Variants in SBNO1 observed in about 807,000 individuals in gnomAD.
SBNO1 encodes protein strawberry notch homolog 1.
A neutral mutation model predicts 173.6 loss-of-function variants in SBNO1; 23 were observed. The ratio of observed to expected loss-of-function variants is 0.13; its 90% CI spans 0.10 to 0.19. The LOEUF is 0.19. Ranked by LOEUF, SBNO1 falls within the 10% of genes least tolerant of loss-of-function variation. The pLI is 1.00. For synonymous variants in SBNO1, 632 were observed against 571.5 expected, an observed-to-expected ratio of 1.11 and a Z score of -1.51; for missense variants, 1,238 against 1,671.2, an observed-to-expected ratio of 0.74 and a Z score of 4.52.
At chr12:123,330,207 T>C (rs1208339193) in intron 9 of SBNO1, among the ~76,000 whole-genome samples, 1 of 152,202 alleles carries the variant, frequency 6.6e-6, no homozygotes, top group Non-Finnish European at 1.5e-5. Context: ...CACTGTTCAA[T>C]AGCCACATGT....
At position 123,309,763 on chromosome 12, in the gene SBNO1, G is replaced by C. The variant is rs774410426; in HGVS notation, c.3389C>G (p.Thr1130Ser). 1 of 1,613,228 alleles carries C rather than the reference G, an allele frequency of 6.2e-7. No homozygotes were observed. Among genetic ancestry groups the C allele is most frequent in the Non-Finnish European group, 8.5e-7 (1 of 1,179,764 alleles). Residue 1130 changes from threonine to serine, a missense_variant, in exon 26 of 32, where the codon ACT becomes AGT. This residue lies in a region of SBNO1 where 351 missense variants were observed against 420.3 expected (regional missense o/e 0.84). Transcript: ENST00000602398. Reference sequence around the variant, plus strand: ...TTTTTTGGCATTTTGAACAACTGCAGTAAGTGTGTCCGCAAAATACTGAAA... The same window carrying C: ...TTTTTTGGCATTTTGAACAACTGCACTAAGTGTGTCCGCAAAATACTGAAA... ...ALFQYFADTLTAVVQNAKKNG... is the reference protein window; with the variant it reads ...ALFQYFADTLSAVVQNAKKNG...
In SBNO1 at chr12:123,345,470, G is replaced by T. The variant is rs1176099472; in HGVS notation, c.338C>A (p.Thr113Asn). Residue 113 changes from threonine (T) to asparagine (N), a missense_variant, in exon 4 of 32, where the codon ACC becomes AAC. By Grantham distance (65) the Thr-to-Asn change is moderately conservative. Around this residue, in one of 14 missense-constraint regions of SBNO1, gnomAD observed 287 missense variants for 274.1 expected, o/e 1.05. Coordinates refer to ENST00000602398, the MANE Select transcript of SBNO1 (RefSeq NM_001167856.3). The part of the protein sequence containing the change: ...IVMTKTPPVT[T>N]NRQTITLTKF... ...AGTTAAAGTGATGGTTTGCCTGTTG[G>T]TTGTTACAGGTGGTGTTTTAGTCAT... The T allele has an allele frequency of 5.6e-6, 9 of 1,613,988 alleles. No individual in the cohort carries two copies. The East Asian group carries it at 8.9e-5, about 16-fold the overall frequency.
intron 30 of SBNO1, among the ~76,000 whole-genome samples, chr12:123,301,366 T>A (rs1268922402): frequency 6.6e-6 from 1 of 152,112 alleles, no homozygotes; most frequent in Non-Finnish European, 1.5e-5. Flanking sequence ...ACTAATTTAC[T>A]CTCATAATGA....
chr12:123,298,265 CTTTTCTT>C (rs751861212), intron 30 of SBNO1, 94 bp from the exon 31 acceptor site: 1 of 1,231,578 alleles, frequency 8.1e-7, no homozygotes, highest in Non-Finnish European at 1.1e-6. Flanking sequence ...AATTTCTTTT[CTTTTCTT>C]TTTTTTTTGT....
chr12:123,345,707 T>C (rs1464299594), intron 3 of SBNO1, 137 bp from the exon 4 acceptor site: 2 of 744,426 alleles, frequency 2.7e-6, no homozygotes, highest in Non-Finnish European at 4.3e-6. Flanking sequence ...TGAAGCAGTC[T>C]CATTCTGTCA....
rs1262473597 is a variant in SBNO1, at chr12:123,364,807, T to C, written c.-107A>G. 7 of 915,684 alleles carry C rather than the reference T, an allele frequency of 7.6e-6. No homozygotes were observed. The highest frequency in any genetic ancestry group is 7.8e-6 in the Non-Finnish European group (6 of 768,148). The allele number at this position is 915,684 out of a possible 1,614,324, so 56.7% of individuals were successfully genotyped here. ...GGCGGTGGCGGCGGCAGCAGCGGCGTCCTGCTCTGCCTACCTCCCCGCCGC... is the reference window on the plus strand; with the variant it reads ...GGCGGTGGCGGCGGCAGCAGCGGCGCCCTGCTCTGCCTACCTCCCCGCCGC... On this transcript the variant is annotated 5_prime_UTR_variant, in exon 1 of 32. Transcript: ENST00000602398.
At chr12:123,320,261 C>A (rs773335442) in intron 19 of SBNO1, among the ~76,000 whole-genome samples, 171 bp downstream of exon 19, 2 of 152,220 alleles carry the variant, frequency 1.3e-5, no homozygotes, top group Non-Finnish European at 2.9e-5. Flanking sequence ...TTGGGACAGA[C>A]ACTCAGATAC....
At chr12:123,328,672 G>A in intron 10 of SBNO1, 62 bp downstream of exon 10, 1 of 1,271,532 alleles carries the variant, frequency 7.9e-7, no homozygotes, top group East Asian at 2.5e-5. Flanking sequence ...TTTCCCAAAG[G>A]TCTACCCTTT....
In SBNO1 at chr12:123,309,295, A is replaced by C. The variant is rs1480433971; in HGVS notation, c.3630+15T>G. Reference sequence around the variant, plus strand: ...GTATTATATATCTGAATAGAATTTAAAGGAAAAGTCGTACTTGCAATGACA... The same window carrying C: ...GTATTATATATCTGAATAGAATTTACAGGAAAAGTCGTACTTGCAATGACA... On this transcript the variant is annotated intron_variant, in intron 28 of 31. Transcript: ENST00000602398. 1 of 1,597,560 alleles carries C rather than the reference A, an allele frequency of 6.3e-7. No homozygotes were observed. The highest frequency in any genetic ancestry group is 1.1e-5 in the South Asian group (1 of 90,640).
At chr12:123,329,553 T>C (rs1246340668) in intron 9 of SBNO1, among the ~76,000 whole-genome samples, 1 of 152,064 alleles carries the variant, frequency 6.6e-6, no homozygotes, top group Non-Finnish European at 1.5e-5. Context: ...ATAAGAATTA[T>C]GAGTAATTGT....
At position 123,345,481 on chromosome 12, in the gene SBNO1, T is replaced by C; in HGVS notation, c.327A>G (p.Pro109=). The stretch of plus-strand genomic sequence containing the variant: ...TGGTTTGCCTGTTGGTTGTTACAGG[T>C]GGTGTTTTAGTCATTACAATTGTAG... ...LGSTIVMTKT[P]PVTTNRQTIT... is the part of the protein sequence containing the mutation. Residue 109 remains proline (P), a synonymous_variant, in exon 4 of 32, where the codon CCA becomes CCG. Transcript: ENST00000602398. 8 of 1,614,030 alleles carry C rather than the reference T, an allele frequency of 5.0e-6. No homozygotes were observed. The highest frequency in any genetic ancestry group is 6.8e-6 in the Non-Finnish European group (8 of 1,179,932).
At chr12:123,309,239 AAG>A (rs1176794859) in intron 28 of SBNO1, 69 bp downstream of exon 28, 10 of 1,101,844 alleles carry the variant, frequency 9.1e-6, no homozygotes, top group Non-Finnish European at 9.7e-6. Flanking sequence ...GTACAAAGTG[AAG>A]AGACAATTAC....
At chr12:123,345,647 G>A (rs1873034320) in intron 3 of SBNO1, 77 bp from the exon 4 acceptor site, 3 of 1,244,488 alleles carry the variant, frequency 2.4e-6, no homozygotes, top group African/African-American at 1.5e-5. Flanking sequence ...AACCTGGAAG[G>A]ACAACTAAAA....
chr12:123,309,373 C>T lies in SBNO1; in HGVS notation c.3567G>A (p.Glu1189=). The T allele has an allele frequency of 1.2e-6, 2 of 1,614,088 alleles. No individual in the cohort carries two copies. Residue 1189 remains glutamate (E), a synonymous_variant, in exon 28 of 32, where the codon GAG becomes GAA. Transcript: ENST00000602398. The part of the protein sequence containing the change: ...TISVERGMSW[E]EATKIWAELT... ...GCTCAGCCCAAATCTTGGTAGCTTC[C>T]TCCCATGACATTCCCCTCTCTACAC...
chr12:123,364,705 C>T lies in SBNO1; in HGVS notation c.-5G>A, dbSNP rs1230345543. Reference sequence around the variant, plus strand: ...AGGGCCAAGGGAAGGACTTACTTTCCCCGCGGGACCCGGCGCCAGCACAGC... The same window carrying T: ...AGGGCCAAGGGAAGGACTTACTTTCTCCGCGGGACCCGGCGCCAGCACAGC... On this transcript the variant is annotated 5_prime_UTR_variant, in exon 1 of 32. Coordinates refer to ENST00000602398, the MANE Select transcript of SBNO1 (RefSeq NM_001167856.3). The T allele has an allele frequency of 1.0e-6, 1 of 983,686 alleles. No individual in the cohort carries two copies. The highest frequency in any genetic ancestry group is 1.2e-6 in the Non-Finnish European group (1 of 828,568). The allele number at this position is 983,686 out of a possible 1,614,324, so 60.9% of individuals were successfully genotyped here. A position where few individuals can be genotyped will look rare whatever the true frequency, so the allele number is the denominator to read the frequency against.
Position 123,345,246 on chromosome 12 carries a change from A to G in SBNO1, c.550+12T>C, listed in dbSNP as rs974754232. 14 of 1,607,332 alleles carry G rather than the reference A, an allele frequency of 8.7e-6. No homozygotes were observed. Among genetic ancestry groups the G allele is most frequent in the Non-Finnish European group, 1.2e-5 (14 of 1,174,704 alleles). ...AGAGAGAGAAAGTTGATACTATTGA[A>G]AACAGACTTACTAGCTGCTGTTGCT... On this transcript the variant is annotated intron_variant, in intron 4 of 31. Coordinates refer to ENST00000602398, the MANE Select transcript of SBNO1 (RefSeq NM_001167856.3).
chr12:123,299,363 G>C (rs1174743379), intron 30 of SBNO1, among the ~76,000 whole-genome samples: 1 of 149,690 alleles, frequency 6.7e-6, no homozygotes, highest in Non-Finnish European at 1.5e-5. Flanking sequence ...GTGAGACTCT[G>C]TCTCAAAAAA....
At chr12:123,357,528 G>A (rs1475646211) in intron 1 of SBNO1, among the ~76,000 whole-genome samples, 2 of 151,752 alleles carry the variant, frequency 1.3e-5, no homozygotes, top group Admixed American at 6.6e-5. Context: ...GGATCACAAG[G>A]TCAAGAGATT....
intron 20 of SBNO1, among the ~76,000 whole-genome samples, chr12:123,318,241 ACCAG>A (rs1869525018): frequency 6.6e-6 from 1 of 152,200 alleles, no homozygotes; most frequent in Non-Finnish European, 1.5e-5. Context: ...GGAGTTCAAG[ACCAG>A]CCTGGCAAAC....
Sources: allele counts gnomAD v4.1 joint callset (sites outside exome capture counted in the v4.1 genomes callset), GRCh38; gene constraint gnomAD v4.1.1; regional missense constraint gnomAD v4.1.1; transcripts MANE v1.5; gene names NCBI Gene and HGNC (gene_info 2026-07-23, HGNC 2026-07-21).